Variants in APBB2 observed in about 807,000 individuals in gnomAD.
APBB2 encodes the protein amyloid beta precursor protein binding family B member 2.
Under a neutral mutation model 82.5 loss-of-function variants are expected in APBB2, and 38 were observed. The ratio of observed to expected loss-of-function variants is 0.46; its 90% confidence interval spans 0.36 to 0.60. APBB2 has a LOEUF of 0.60. APBB2 is among the 20% of genes least tolerant of loss of function. The pLI, the probability that APBB2 is intolerant of heterozygous loss-of-function variation, is 0.00. For synonymous variants in APBB2, 341 were observed against 368.2 expected (o/e 0.93, Z 0.85); for missense variants, 772 against 972.3 (o/e 0.79, Z 2.74).
intron 10 of APBB2, among the ~76,000 whole-genome samples, chr4:40,904,701 T>TA (rs1553963396): frequency 1.8e-4 from 27 of 149,662 alleles, no homozygotes; most frequent in Non-Finnish European, 2.4e-4. Flanking sequence ...TTTTTTTTTT[T>TA]AAATACTGAA....
intron 3 of APBB2, among the ~76,000 whole-genome samples, chr4:41,072,056 G>A (rs966509741): frequency 6.6e-6 from 1 of 152,166 alleles, no homozygotes; most frequent in Non-Finnish European, 1.5e-5. Context: ...TCAAAAGGAA[G>A]AGACTGCTGA....
At chr4:41,130,121 C>T (rs1386423265) in intron 2 of APBB2, among the ~76,000 whole-genome samples, 6 of 152,180 alleles carry the variant, frequency 3.9e-5, no homozygotes, top group African/African-American at 1.4e-4. Context: ...GAAATCTGCC[C>T]ACTGTGTTCA....
intron 6 of APBB2, among the ~76,000 whole-genome samples, chr4:40,986,272 C>A (rs368695177): frequency 6.6e-6 from 1 of 152,322 alleles, no homozygotes; most frequent in African/African-American, 2.4e-5. Context: ...AGACTACTTA[C>A]GCTCTCTGGT....
At chr4:41,101,756 A>G (rs956211813) in intron 2 of APBB2, among the ~76,000 whole-genome samples, 1 of 151,836 alleles carries the variant, frequency 6.6e-6, no homozygotes, top group African/African-American at 2.4e-5. Context: ...TCAGGAGTTC[A>G]AGACTAGCCT....
intron 5 of APBB2, among the ~76,000 whole-genome samples, chr4:41,024,110 T>C (rs1448365393): frequency 6.6e-6 from 1 of 152,212 alleles, no homozygotes; most frequent in African/African-American, 2.4e-5. Flanking sequence ...TAAATGGTGC[T>C]GAAATAACCG....
At chr4:40,877,576 T>G (rs1490849717) in intron 12 of APBB2, among the ~76,000 whole-genome samples, 1 of 152,186 alleles carries the variant, frequency 6.6e-6, no homozygotes, top group Admixed American at 6.5e-5. Context: ...GTCAACTCTT[T>G]GAAAAATGGC....
chr4:40,917,008 G>C (rs547285308), intron 10 of APBB2, among the ~76,000 whole-genome samples: 2 of 152,172 alleles, frequency 1.3e-5, no homozygotes, highest in African/African-American at 2.4e-5. Flanking sequence ...ACTTCTGCAG[G>C]CTTCCTCAAG....
At chr4:41,186,516 A>G (rs1772951635) in intron 1 of APBB2, among the ~76,000 whole-genome samples, 1 of 152,188 alleles carries the variant, frequency 6.6e-6, no homozygotes, top group Non-Finnish European at 1.5e-5. Context: ...CAATGTGTCA[A>G]CCCTTACACT....
chr4:40,948,072 T>C (rs549370511), intron 6 of APBB2, among the ~76,000 whole-genome samples: 66 of 152,342 alleles, frequency 4.3e-4, no homozygotes, highest in African/African-American at 1.5e-3. Flanking sequence ...TGATGGCATA[T>C]GTGAACGTCC....
intron 1 of APBB2, among the ~76,000 whole-genome samples, chr4:41,194,451 G>A: frequency 0.012 from 1,831 of 152,306 alleles, 18 homozygotes; most frequent in Non-Finnish European, 0.019. Context: ...GGGAGGCCAC[G>A]GCAGGTGGAC....
Position 41,127,470 on chromosome 4 carries a change from C to T in APBB2, c.-261+15517G>A, listed in dbSNP as rs1580259567. Among the ~76,000 whole-genome samples the T allele has an allele frequency of 2.0e-5, 3 of 152,202 alleles. No individual in the cohort carries two copies. The highest frequency in any genetic ancestry group is 7.2e-5 in the African/African-American group (3 of 41,458). ...TTCACTTCTTGGCATGAAAGGTTGCCTACTGCTGTGTTAATCTAGACTACC... is the reference window on the plus strand; with the variant it reads ...TTCACTTCTTGGCATGAAAGGTTGCTTACTGCTGTGTTAATCTAGACTACC... On this transcript the variant is annotated intron_variant, in intron 2 of 17. Coordinates refer to ENST00000508593, the MANE Select transcript of APBB2 (RefSeq NM_004307.2). The surrounding 1 kb of genome is among the most constrained non-coding windows in gnomAD (Gnocchi z 4.8).
intron 17 of APBB2, among the ~76,000 whole-genome samples, chr4:40,816,500 C>A (rs114919280): frequency 1.3e-5 from 2 of 152,204 alleles, no homozygotes; most frequent in African/African-American, 4.8e-5. Flanking sequence ...CCACCCTCCA[C>A]GTGTCCTCTA....
intron 1 of APBB2, among the ~76,000 whole-genome samples, chr4:41,154,139 T>C (rs897425236): frequency 6.6e-6 from 1 of 152,210 alleles, no homozygotes; most frequent in African/African-American, 2.4e-5. Flanking sequence ...AAGAAATCAT[T>C]TGCTAAACTC....
intron 6 of APBB2, among the ~76,000 whole-genome samples, chr4:40,978,917 G>C (rs1412327002): frequency 7.3e-6 from 1 of 137,390 alleles, no homozygotes; most frequent in Non-Finnish European, 1.6e-5. Context: ...AGAGTACTTG[G>C]AACTCATGAT....
chr4:41,048,807 C>T (rs1250566818), intron 4 of APBB2, among the ~76,000 whole-genome samples: 1 of 151,992 alleles, frequency 6.6e-6, no homozygotes, highest in African/African-American at 2.4e-5. Context: ...AGAGTGCCTG[C>T]GATTGCAGGC....
intron 3 of APBB2, among the ~76,000 whole-genome samples, chr4:41,066,800 C>T (rs548598383): frequency 6.6e-6 from 1 of 152,300 alleles, no homozygotes; most frequent in South Asian, 2.1e-4. Flanking sequence ...TCTCAAAGAA[C>T]TCTGACTTTA....
intron 2 of APBB2, among the ~76,000 whole-genome samples, chr4:41,111,008 G>A (rs55930156): frequency 0.048 from 7,314 of 152,218 alleles, 366 homozygotes; most frequent in African/African-American, 0.12. Flanking sequence ...TCCCATCTGG[G>A]GGTGATGGGA....
chr4:41,188,986 C>T (rs1302296225), intron 1 of APBB2, among the ~76,000 whole-genome samples: 1 of 152,158 alleles, frequency 6.6e-6, no homozygotes, highest in African/African-American at 2.4e-5. Context: ...ATTTGGAAGA[C>T]TTTATTAAAC....
intron 12 of APBB2, among the ~76,000 whole-genome samples, chr4:40,888,998 A>G (rs1771184273): frequency 6.6e-6 from 1 of 152,254 alleles, no homozygotes; most frequent in African/African-American, 2.4e-5. Context: ...GCTTCCTCGT[A>G]AAATTAACCA....
Sources: allele counts gnomAD v4.1 joint callset (sites outside exome capture counted in the v4.1 genomes callset), GRCh38; gene constraint gnomAD v4.1.1; non-coding constraint Gnocchi (gnomAD v3.1); transcripts MANE v1.5; gene names NCBI Gene and HGNC (gene_info 2026-07-23, HGNC 2026-07-21).